EHMT1: variants seen among roughly 807,000 people sequenced by gnomAD.
EHMT1 encodes histone-lysine N-methyltransferase EHMT1.
EHMT1 carries 15 observed loss-of-function variants against 147.2 expected under a neutral mutation model. That is an observed-to-expected ratio of 0.10 (90% CI 0.07 to 0.16). The LOEUF (loss-of-function observed/expected upper bound fraction) is 0.16. Ranked by LOEUF, EHMT1 falls within the 10% of genes least tolerant of loss-of-function variation. EHMT1 has a pLI of 1.00. For missense variants in EHMT1, 1,587 were observed against 1,772.4 expected (o/e 0.90, Z 1.88); for synonymous variants, 795 against 709.6 (o/e 1.12, Z -1.91).
At chr9:137,717,302 C>G (rs1255516395) in intron 3 of EHMT1, 120 bp downstream of exon 3, 2 of 1,309,164 alleles carry the variant, frequency 1.5e-6, no homozygotes, top group Admixed American at 2.0e-5. Context: ...CCGACAGGGC[C>G]TATGAGGAGC....
chr9:137,703,420 G>T (rs1364026111), intron 1 of EHMT1, among the ~76,000 whole-genome samples: 1 of 152,140 alleles, frequency 6.6e-6, no homozygotes, highest in Non-Finnish European at 1.5e-5. Flanking sequence ...TCCAGTTTCA[G>T]ATACTCTCTT....
chr9:137,793,588 A>C (rs925350889), intron 16 of EHMT1, among the ~76,000 whole-genome samples: 1 of 152,268 alleles, frequency 6.6e-6, no homozygotes, highest in African/African-American at 2.4e-5. Flanking sequence ...AGATCTTCAT[A>C]CAACAGTGTT....
At chr9:137,713,096 G>A (rs953346734) in intron 2 of EHMT1, among the ~76,000 whole-genome samples, 4 of 151,916 alleles carry the variant, frequency 2.6e-5, no homozygotes, top group Admixed American at 6.6e-5. Context: ...TAAATGTGAG[G>A]GTTTATTGTA....
At chr9:137,642,594 A>G (rs533906619) in intron 1 of EHMT1, among the ~76,000 whole-genome samples, 1 of 152,074 alleles carries the variant, frequency 6.6e-6, no homozygotes, top group African/African-American at 2.4e-5. Flanking sequence ...TAGTATATTA[A>G]TTTTTGATAA....
Position 137,787,806 on chromosome 9 carries a change from G to T in EHMT1, c.2383-3042G>T. The stretch of plus-strand genomic sequence containing the variant: ...AGATCCCAGCCCTGGGGGCCCTCAG[G>T]TTTCAGGGGCCACCCCCCAGTAGGC... On this transcript the variant is annotated intron_variant, in intron 15 of 26. Coordinates refer to ENST00000460843, the MANE Select transcript of EHMT1 (RefSeq NM_024757.5). The surrounding 1 kb of genome is among the most constrained non-coding windows in gnomAD (Gnocchi z 4.2). 1 of 885,972 alleles carries T rather than the reference G, an allele frequency of 1.1e-6. No individual in the cohort carries two copies. The highest frequency in any genetic ancestry group is 1.9e-6 in the Non-Finnish European group (1 of 519,692). 54.9% of individuals were successfully genotyped at this position (885,972 alleles called of 1,614,324 possible). A position where few individuals can be genotyped will look rare whatever the true frequency, so the allele number is the denominator to read the frequency against.
intron 1 of EHMT1, chr9:137,665,821 G>A (rs1939579461): frequency 6.6e-6 from 1 of 152,258 alleles, no homozygotes; most frequent in Non-Finnish European, 1.5e-5. Flanking sequence ...GGTTTAAGCA[G>A]CTTCCGAGGA....
At position 137,779,814 on chromosome 9, in the gene EHMT1, C is replaced by T. The variant is rs1052555593; in HGVS notation, c.2275+97C>T. 123 of 1,392,430 alleles carry T rather than the reference C, an allele frequency of 8.8e-5. 1 individual carries two copies. The highest frequency in any genetic ancestry group is 1.1e-4 in the Non-Finnish European group (109 of 1,007,654). The allele number at this position is 1,392,430 out of a possible 1,614,324, so 86.3% of individuals were successfully genotyped here. A position where few individuals can be genotyped will look rare whatever the true frequency, so the allele number is the denominator to read the frequency against. On this transcript the variant is annotated intron_variant, in intron 14 of 26. Transcript: ENST00000460843. Reference sequence around the variant, plus strand: ...TACTCCTTCCTCAGGAGGCTGGTCTCGTTTTGGTTTTCTGTTTCTGTGTCT... The same window carrying T: ...TACTCCTTCCTCAGGAGGCTGGTCTTGTTTTGGTTTTCTGTTTCTGTGTCT...
intron 10 of EHMT1, among the ~76,000 whole-genome samples, chr9:137,773,867 T>TA: frequency 6.6e-6 from 1 of 152,284 alleles, no homozygotes; most frequent in South Asian, 2.1e-4. Context: ...TGCTTATTTT[T>TA]GGGGGGGCTA....
At chr9:137,790,243 T>C (rs1350097647) in intron 15 of EHMT1, among the ~76,000 whole-genome samples, 3 of 152,316 alleles carry the variant, frequency 2.0e-5, no homozygotes, top group South Asian at 2.1e-4. Context: ...GGAGAAAAGG[T>C]TTCAACAGCC....
chr9:137,752,069 T>C (rs975702513), intron 6 of EHMT1, among the ~76,000 whole-genome samples: 14 of 152,396 alleles, frequency 9.2e-5, no homozygotes, highest in African/African-American at 3.1e-4. Flanking sequence ...AGCCACTCTC[T>C]GGTCCCGATG....
rs1292027947 is a variant in EHMT1, at chr9:137,731,752, A to G, written c.823+3223A>G. On this transcript the variant is annotated intron_variant, in intron 4 of 26. Coordinates refer to ENST00000460843, the MANE Select transcript of EHMT1 (RefSeq NM_024757.5). The surrounding 1 kb of genome is among the most constrained non-coding windows in gnomAD (Gnocchi z 4.3). Reference sequence around the variant, plus strand: ...CTCATGCTACCGGCCCAGATCCCACACCTTCCGAGGGCAAGCCAGGAGTGG... The same window carrying G: ...CTCATGCTACCGGCCCAGATCCCACGCCTTCCGAGGGCAAGCCAGGAGTGG... Among the ~76,000 whole-genome samples the G allele has an allele frequency of 6.6e-6, 1 of 151,892 alleles. No homozygotes were observed. The highest frequency in any genetic ancestry group is 1.9e-4 in the East Asian group (1 of 5,164).
intron 9 of EHMT1, among the ~76,000 whole-genome samples, chr9:137,758,601 C>G (rs754549943): frequency 2.0e-4 from 30 of 152,072 alleles, no homozygotes; most frequent in Non-Finnish European, 2.9e-4. Flanking sequence ...TAGCTAATAC[C>G]TATTTGATTA....
At chr9:137,678,015 A>G (rs955813198) in intron 1 of EHMT1, among the ~76,000 whole-genome samples, 10 of 151,956 alleles carry the variant, frequency 6.6e-5, no homozygotes, top group South Asian at 4.2e-4. Context: ...CTTGCAGTGA[A>G]CCAAGATGGC....
In EHMT1 at chr9:137,800,967, A is replaced by G. The variant is rs144085805; in HGVS notation, c.2695A>G (p.Ile899Val). ...VKLLLSKGSD[I>V]NIRDNEENIC... ...GCTGCTGCTGTCCAAGGGCTCTGACATCAACATCCGAGACAACGTAAGTTC... is the reference window on the plus strand; with the variant it reads ...GCTGCTGCTGTCCAAGGGCTCTGACGTCAACATCCGAGACAACGTAAGTTC... The change falls in exon 18 of 27, where the codon ATC becomes GTC. Residue 899 changes from isoleucine to valine, a missense_variant. Ile to Val is a conservative substitution (Grantham distance 29). Around this residue, in one of 7 missense-constraint regions of EHMT1, gnomAD observed 201 missense variants for 350.1 expected, o/e 0.57. Transcript: ENST00000460843. 310 of 1,614,010 alleles carry G rather than the reference A, an allele frequency of 1.9e-4. No homozygotes were observed. Among genetic ancestry groups the G allele is most frequent in the South Asian group, 6.6e-5 (6 of 91,066 alleles).
At chr9:137,644,235 C>T (rs775196362) in intron 1 of EHMT1, among the ~76,000 whole-genome samples, 1 of 151,868 alleles carries the variant, frequency 6.6e-6, no homozygotes, top group African/African-American at 2.4e-5. Context: ...ACGGGCAATA[C>T]GTAAACAAGT....
rs140767527 is a variant in EHMT1 at position 137,621,524 on chromosome 9, C to T, written c.21+2475C>T. Among the ~76,000 whole-genome samples, 1,053 of 152,202 alleles carry T rather than the reference C, an allele frequency of 6.9e-3. 13 individuals are homozygous for T. Among genetic ancestry groups the T allele is most frequent in the African/African-American group, 0.023 (952 of 41,540 alleles). ...CCAGTCTGGCCAACATGGTTGAAAC[C>T]CTGTCTCTACTGAAAATACAAAAAT... On this transcript the variant is annotated intron_variant, in intron 1 of 26. Coordinates refer to ENST00000460843, the MANE Select transcript of EHMT1 (RefSeq NM_024757.5).
At chr9:137,720,387 T>C (rs1037506724) in intron 3 of EHMT1, among the ~76,000 whole-genome samples, 30 of 152,096 alleles carry the variant, frequency 2.0e-4, no homozygotes, top group Non-Finnish European at 3.7e-4. Flanking sequence ...CTTTGCAACC[T>C]CTGCCTCCCA....
At chr9:137,783,461 T>G (rs1002918355) in intron 15 of EHMT1, among the ~76,000 whole-genome samples, 1 of 152,256 alleles carries the variant, frequency 6.6e-6, no homozygotes, top group African/African-American at 2.4e-5. Flanking sequence ...TTTTCTTCCC[T>G]TATTTCTCTG....
In EHMT1 at chr9:137,628,947, G is replaced by A. The variant is rs546460357; in HGVS notation, c.21+9898G>A. Among the ~76,000 whole-genome samples the A allele has an allele frequency of 5.1e-4, 77 of 152,142 alleles. 1 individual carries two copies. Among genetic ancestry groups the A allele is most frequent in the African/African-American group, 1.8e-3 (74 of 41,502 alleles). On this transcript the variant is annotated intron_variant, in intron 1 of 26. Transcript: ENST00000460843. Reference sequence around the variant, plus strand: ...TTTGGCTTATAAGAATCATGTTTTGGATTCTTTAGGAACTTTATTTTTTTT... The same window carrying A: ...TTTGGCTTATAAGAATCATGTTTTGAATTCTTTAGGAACTTTATTTTTTTT...
Sources: gnomAD v4.1 joint callset for allele counts (sites outside exome capture counted in the v4.1 genomes callset) on GRCh38, gnomAD v4.1.1 for gene constraint, gnomAD v4.1.1 regional missense constraint, Gnocchi (gnomAD v3.1) non-coding constraint, MANE v1.5 for transcripts, NCBI Gene and HGNC (gene_info 2026-07-23, HGNC 2026-07-21) for gene names.